DTWD2: variants seen among roughly 807,000 people sequenced by gnomAD.
DTWD2 encodes tRNA-uridine aminocarboxypropyltransferase 2.
DTWD2 carries 39 observed loss-of-function variants against 31.8 expected under a neutral mutation model. The observed-to-expected ratio is 1.22, with a 90% CI of 0.95 to 1.60. The LOEUF (loss-of-function observed/expected upper bound fraction) is 1.60. Ranked by LOEUF, DTWD2 falls within the 40% of genes most tolerant of loss-of-function variation. DTWD2 has a pLI of 0.00. For missense variants in DTWD2, 515 were observed against 381.5 expected (o/e 1.35, Z -2.92); for synonymous variants, 180 against 142.8 (o/e 1.26, Z -1.86).
At chr5:118,963,280 A>G (rs973980740) in intron 1 of DTWD2, among the ~76,000 whole-genome samples, 2 of 152,256 alleles carry the variant, frequency 1.3e-5, no homozygotes, top group African/African-American at 4.8e-5. Flanking sequence ...CATGCAAGAC[A>G]TGGAACTTGA....
chr5:118,910,070 T>TGAAC (rs1753424028), intron 4 of DTWD2, among the ~76,000 whole-genome samples: 1 of 152,196 alleles, frequency 6.6e-6, no homozygotes, highest in South Asian at 2.1e-4. Flanking sequence ...TTATAACATG[T>TGAAC]GAACATTCAT....
chr5:118,866,420 T>A (rs1290165517), intron 4 of DTWD2, among the ~76,000 whole-genome samples: 1 of 152,204 alleles, frequency 6.6e-6, no homozygotes, highest in Admixed American at 6.5e-5. Context: ...ACACTCATAA[T>A]AACACTGATG....
At chr5:118,985,092 G>A (rs114852341) in intron 1 of DTWD2, among the ~76,000 whole-genome samples, 2,251 of 152,014 alleles carry the variant, frequency 0.015, 59 homozygotes, top group African/African-American at 0.049. Flanking sequence ...CCTTCCTGGG[G>A]CAACCACCAC....
intron 3 of DTWD2, among the ~76,000 whole-genome samples, chr5:118,937,537 T>G (rs980592715): frequency 6.6e-6 from 1 of 152,224 alleles, no homozygotes; most frequent in African/African-American, 2.4e-5. Flanking sequence ...TGTGTGGTGT[T>G]TGCCATATAG....
intron 4 of DTWD2, among the ~76,000 whole-genome samples, chr5:118,911,493 C>A (rs1188487689): frequency 6.6e-6 from 1 of 152,164 alleles, no homozygotes; most frequent in African/African-American, 2.4e-5. Flanking sequence ...ATCCAGCAAT[C>A]CTACTTCTGG....
At chr5:118,864,648 T>G (rs1474349830) in intron 4 of DTWD2, among the ~76,000 whole-genome samples, 1 of 150,292 alleles carries the variant, frequency 6.7e-6, no homozygotes, top group Non-Finnish European at 1.5e-5. Context: ...TTTATTTTTT[T>G]TTTATTTTAT....
At chr5:118,848,297 CT>C in intron 4 of DTWD2, 79 bp from the exon 5 acceptor site, 2 of 1,320,516 alleles carry the variant, frequency 1.5e-6, no homozygotes, top group Non-Finnish European at 2.0e-6. Context: ...ATACTAATTA[CT>C]TTCCTTCCAA....
chr5:118,896,096 A>T (rs1376248668), intron 4 of DTWD2, among the ~76,000 whole-genome samples: 1 of 152,220 alleles, frequency 6.6e-6, no homozygotes, highest in Admixed American at 6.5e-5. Flanking sequence ...AACATACTCA[A>T]ATGTAAAATT....
At chr5:118,882,352 G>T (rs527292084) in intron 4 of DTWD2, among the ~76,000 whole-genome samples, 1 of 152,214 alleles carries the variant, frequency 6.6e-6, no homozygotes, top group African/African-American at 2.4e-5. Flanking sequence ...GCTTTCATGG[G>T]CTGGCATTGA....
chr5:118,944,112 G>C (rs1237967432), intron 2 of DTWD2, among the ~76,000 whole-genome samples: 1 of 152,048 alleles, frequency 6.6e-6, no homozygotes, highest in Non-Finnish European at 1.5e-5. Flanking sequence ...AAATATACAT[G>C]TTTCTTCTAT....
At chr5:118,847,200 C>A (rs914817051) in intron 5 of DTWD2, among the ~76,000 whole-genome samples, 25 of 151,978 alleles carry the variant, frequency 1.6e-4, no homozygotes, top group Admixed American at 8.5e-4. Flanking sequence ...GTGTTTAAGG[C>A]ATACTCATAA....
At chr5:118,945,643 T>A (rs1294917586) in intron 1 of DTWD2, among the ~76,000 whole-genome samples, 1 of 151,594 alleles carries the variant, frequency 6.6e-6, no homozygotes, top group East Asian at 1.9e-4. Context: ...TGGGTGCCTA[T>A]AATCCCAGCA....
intron 4 of DTWD2, among the ~76,000 whole-genome samples, chr5:118,876,338 C>G (rs1752620945): frequency 6.6e-6 from 1 of 151,892 alleles, no homozygotes; most frequent in African/African-American, 2.4e-5. Flanking sequence ...CAGCAGAAGA[C>G]AAGAAATAAC....
At chr5:118,970,285 A>G (rs1754954533) in intron 1 of DTWD2, among the ~76,000 whole-genome samples, 1 of 152,104 alleles carries the variant, frequency 6.6e-6, no homozygotes, top group Non-Finnish European at 1.5e-5. Flanking sequence ...AAATTAGCCA[A>G]GCATGGTGGT....
chr5:118,964,739 G>T (rs570041497), intron 1 of DTWD2, among the ~76,000 whole-genome samples: 2 of 152,354 alleles, frequency 1.3e-5, no homozygotes, highest in South Asian at 2.1e-4. Flanking sequence ...CGTTCACTCA[G>T]TGCTCAATGT....
chr5:118,861,344 A>G (rs1752256154), intron 4 of DTWD2, among the ~76,000 whole-genome samples: 1 of 152,244 alleles, frequency 6.6e-6, no homozygotes, highest in African/African-American at 2.4e-5. Context: ...AAATAGTTTC[A>G]TTCTTGGGGC....
chr5:118,855,957 G>A (rs1242767221), intron 4 of DTWD2, among the ~76,000 whole-genome samples: 4 of 152,144 alleles, frequency 2.6e-5, no homozygotes, highest in Middle Eastern at 3.4e-3. Context: ...AGTTGAGTTA[G>A]GAAGTATAAG....
At chr5:118,960,848 T>C (rs1754689221) in intron 1 of DTWD2, among the ~76,000 whole-genome samples, 1 of 152,064 alleles carries the variant, frequency 6.6e-6, no homozygotes, top group South Asian at 2.1e-4. Context: ...CTGCATATTC[T>C]CACTTATCAG....
intron 4 of DTWD2, among the ~76,000 whole-genome samples, chr5:118,875,164 G>A (rs1752593174): frequency 6.6e-6 from 1 of 152,150 alleles, no homozygotes; most frequent in African/African-American, 2.4e-5. Context: ...AATGCTGAGG[G>A]AAATTGTTGC....
Sources: gnomAD v4.1 joint callset for allele counts (sites outside exome capture counted in the v4.1 genomes callset) on GRCh38, gnomAD v4.1.1 for gene constraint, MANE v1.5 for transcripts, NCBI Gene and HGNC (gene_info 2026-07-23, HGNC 2026-07-21) for gene names.